Variants in SYTL5 observed in about 807,000 individuals in gnomAD.
SYTL5 encodes synaptotagmin-like protein 5.
In SYTL5, 34 loss-of-function variants were observed where a neutral mutation model predicts 55.9. The observed-to-expected ratio is 0.61, with a 90% CI of 0.46 to 0.81. The LOEUF (loss-of-function observed/expected upper bound fraction) is 0.81. Among genes scored for constraint, SYTL5 ranks in the 30% least tolerant of loss-of-function variants. The probability of loss-of-function intolerance (pLI) is 0.00; values close to 1 mark genes in which losing one functional copy is unlikely to be tolerated. For synonymous variants in SYTL5, 221 were observed against 188.7 expected (o/e 1.17, Z -1.40); for missense variants, 637 against 546.7 (o/e 1.17, Z -1.65).
intron 3 of SYTL5, among the ~76,000 whole-genome samples, chrX:38,069,006 T>C (rs1936182636): frequency 1.8e-5 from 2 of 111,917 alleles, no homozygotes; most frequent in African/African-American, 6.5e-5. Context: ...AGTATTTTTA[T>C]TTTGATTTTT....
the SYTL5 span, among the ~76,000 whole-genome samples, chrX:37,915,923 G>T: frequency 2.6e-4 from 29 of 111,373 alleles, no homozygotes; most frequent in South Asian, 7.6e-4. Context: ...TACAGAGAAA[G>T]CAGTTACCTC....
At chrX:38,002,972 T>G (rs370509128), upstream of SYTL5, among the ~76,000 whole-genome samples, 9 of 111,366 alleles carry the variant, frequency 8.1e-5, no homozygotes, top group African/African-American at 2.0e-4. Context: ...TATTGCCTAG[T>G]TTTTCTTCTA....
intron 1 of SYTL5, among the ~76,000 whole-genome samples, chrX:38,027,342 G>A (rs1239226276): frequency 8.9e-6 from 1 of 112,174 alleles, no homozygotes; most frequent in African/African-American, 3.2e-5. Flanking sequence ...CTGATATGGA[G>A]TCACTAGCCA....
intron 1 of SYTL5, among the ~76,000 whole-genome samples, chrX:38,007,054 C>T (rs1934014611): frequency 9.0e-6 from 1 of 111,288 alleles, no homozygotes; most frequent in African/African-American, 3.3e-5. Context: ...ATCTCTCACA[C>T]CTCTCTATAT....
intron 10 of SYTL5, chrX:38,103,193 C>T (rs1937125085): frequency 1.8e-6 from 1 of 568,137 alleles, no homozygotes; most frequent in African/African-American, 2.3e-5. Context: ...TTATCTTTTT[C>T]CGACTTATAT....
At chrX:38,083,773 C>CGT (rs1569180907) in intron 6 of SYTL5, among the ~76,000 whole-genome samples, 18 of 40,201 alleles carry the variant, frequency 4.5e-4, no homozygotes, top group South Asian at 2.6e-3. Context: ...TAAATAGACT[C>CGT]ATGTGTGTGT....
At chrX:37,946,494 G>A in the SYTL5 span, 3 of 231,743 alleles carry the variant, frequency 1.3e-5, no homozygotes, top group Non-Finnish European at 2.5e-5. Flanking sequence ...ATTTTTCATT[G>A]GAATCATGCT....
the SYTL5 span, among the ~76,000 whole-genome samples, chrX:37,972,217 C>G: frequency 9.0e-6 from 1 of 111,098 alleles, no homozygotes; most frequent in East Asian, 2.8e-4. Flanking sequence ...TCTCATTTAT[C>G]TAGGAAAACA....
chrX:37,952,487 G>C, the SYTL5 span, among the ~76,000 whole-genome samples: 2 of 111,589 alleles, frequency 1.8e-5, no homozygotes, highest in Admixed American at 1.9e-4. Context: ...AGCAAATCAC[G>C]TGGATAAGCC....
chrX:38,007,713 T>C (rs189962774), intron 1 of SYTL5, among the ~76,000 whole-genome samples: 19 of 111,636 alleles, frequency 1.7e-4, no homozygotes, highest in African/African-American at 5.5e-4. Context: ...CCCTAGGTCT[T>C]AAATGCATGA....
the SYTL5 span, among the ~76,000 whole-genome samples, chrX:37,916,643 T>C: frequency 1.8e-5 from 2 of 112,438 alleles, no homozygotes; most frequent in Non-Finnish European, 3.8e-5. Flanking sequence ...ACTGGTTGAA[T>C]GACTGATTGA....
chrX:37,994,342 T>C, the SYTL5 span: 2 of 112,671 alleles, frequency 1.8e-5, no homozygotes, highest in Admixed American at 1.9e-4. Context: ...CAGCAATTCC[T>C]CATGGCTGGA....
At chrX:37,903,439 C>G in the SYTL5 span, among the ~76,000 whole-genome samples, 1 of 107,750 alleles carries the variant, frequency 9.3e-6, no homozygotes, top group Non-Finnish European at 1.9e-5. Flanking sequence ...TCTCAGCAAA[C>G]TATTGCAAGG....
At chrX:38,056,545 G>A (rs780325251) in intron 3 of SYTL5, among the ~76,000 whole-genome samples, 1 of 111,418 alleles carries the variant, frequency 9.0e-6, no homozygotes, top group Non-Finnish European at 1.9e-5. Context: ...CCTCCAAACC[G>A]TTCTCCTAGT....
At chrX:37,909,685 T>A in the SYTL5 span, among the ~76,000 whole-genome samples, 1 of 109,722 alleles carries the variant, frequency 9.1e-6, no homozygotes, top group Non-Finnish European at 1.9e-5. Context: ...TTTTTATTTT[T>A]TTTTTTGAGA....
intron 16 of SYTL5, 134 bp downstream of exon 16, chrX:38,125,640 T>C: frequency 2.1e-6 from 1 of 476,983 alleles, no homozygotes; most frequent in East Asian, 3.5e-5. Context: ...AAATACTTCA[T>C]TCCTTTAGCT....
intron 2 of SYTL5, among the ~76,000 whole-genome samples, chrX:38,039,286 C>G (rs951870481): frequency 4.4e-4 from 49 of 112,252 alleles, no homozygotes; most frequent in African/African-American, 1.5e-3. Context: ...GCAAGTCACT[C>G]AAATTTATTG....
At chrX:38,084,534 G>C (rs1435451459) in intron 6 of SYTL5, among the ~76,000 whole-genome samples, 1 of 111,046 alleles carries the variant, frequency 9.0e-6, no homozygotes, top group Non-Finnish European at 1.9e-5. Flanking sequence ...TCTTTGAATA[G>C]ATAGTGTCAG....
At chrX:37,952,580 G>A in the SYTL5 span, among the ~76,000 whole-genome samples, 12 of 111,286 alleles carry the variant, frequency 1.1e-4, no homozygotes, top group African/African-American at 3.6e-4. Context: ...GGGGTAAGGA[G>A]AGGGCCAGGG....
Sources: allele counts gnomAD v4.1 joint callset (sites outside exome capture counted in the v4.1 genomes callset), GRCh38; gene constraint gnomAD v4.1.1; transcripts MANE v1.5; gene names NCBI Gene and HGNC (gene_info 2026-07-23, HGNC 2026-07-21).